PPM1E: variants seen among roughly 807,000 people sequenced by gnomAD.
The protein encoded by PPM1E is protein phosphatase 1E.
Under a neutral mutation model 65.9 loss-of-function variants are expected in PPM1E, and 20 were observed. The observed-to-expected ratio is 0.30, with a 90% CI of 0.21 to 0.44. PPM1E has a LOEUF of 0.44. Ranked by LOEUF, PPM1E falls within the 20% of genes least tolerant of loss-of-function variation. The probability of loss-of-function intolerance (pLI) is 1.00; values close to 1 mark genes in which losing one functional copy is unlikely to be tolerated. For missense variants in PPM1E, 713 were observed against 953.1 expected (o/e 0.75, Z 3.32); for synonymous variants, 352 against 374.9 (o/e 0.94, Z 0.70).
At chr17:58,873,692 C>T (rs1014840349) in intron 1 of PPM1E, among the ~76,000 whole-genome samples, 1 of 151,116 alleles carries the variant, frequency 6.6e-6, no homozygotes, top group Non-Finnish European at 1.5e-5. Flanking sequence ...CTCCCAGGCT[C>T]AAGTGATCCT....
intron 1 of PPM1E, among the ~76,000 whole-genome samples, chr17:58,941,992 C>T (rs186232524): frequency 6.3e-5 from 9 of 141,756 alleles, no homozygotes; most frequent in Admixed American, 5.7e-4. Context: ...GGGACAAGAC[C>T]GAGACTTCGT....
At chr17:58,760,973 C>G (rs992410744) in intron 1 of PPM1E, among the ~76,000 whole-genome samples, 1 of 152,160 alleles carries the variant, frequency 6.6e-6, no homozygotes, top group African/African-American at 2.4e-5. Context: ...GGGAATATAC[C>G]TTCCATACCC....
At position 58,771,347 on chromosome 17, in the gene PPM1E, A is replaced by C. The variant is rs994670460; in HGVS notation, c.464+14886A>C. On this transcript the variant is annotated intron_variant, in intron 1 of 6. Transcript: ENST00000308249. ...GTTAAAAGTAGATTCTAAAAAAAAAAATGATTAAGGCCGGGCATGGTGGCT... is the reference window on the plus strand; with the variant it reads ...GTTAAAAGTAGATTCTAAAAAAAAACATGATTAAGGCCGGGCATGGTGGCT... 7.2e-5 allele frequency among the ~76,000 whole-genome samples: 11 copies of C among 152,000 alleles called. No homozygotes were observed. The East Asian group carries it at 2.1e-3, about 29-fold the overall frequency.
chr17:58,834,083 G>C (rs2050630901), intron 1 of PPM1E, among the ~76,000 whole-genome samples: 1 of 152,140 alleles, frequency 6.6e-6, no homozygotes, highest in Admixed American at 6.5e-5. Flanking sequence ...ATTTGGAAGT[G>C]TTTTGTGGTT....
At chr17:58,831,425 G>A (rs1045874237) in intron 1 of PPM1E, among the ~76,000 whole-genome samples, 2 of 152,148 alleles carry the variant, frequency 1.3e-5, no homozygotes, top group Non-Finnish European at 2.9e-5. Flanking sequence ...TTAGTAAGGT[G>A]ATTTACTTCA....
At chr17:58,879,026 T>C (rs1490186447) in intron 1 of PPM1E, among the ~76,000 whole-genome samples, 2 of 152,096 alleles carry the variant, frequency 1.3e-5, no homozygotes, top group East Asian at 3.8e-4. Flanking sequence ...TTCAGGACTT[T>C]TGCTAGAGAT....
Position 58,980,821 on chromosome 17 carries a change from G to C in PPM1E, c.2058G>C (p.Lys686Asn). The C allele has an allele frequency of 6.2e-7, 1 of 1,614,172 alleles. No individual in the cohort carries two copies. The highest frequency in any genetic ancestry group is 8.5e-7 in the Non-Finnish European group (1 of 1,180,020). Residue 686 changes from lysine to asparagine, a missense_variant, in exon 7 of 7, where the codon AAG becomes AAC. Lys to Asn is a moderately conservative substitution (Grantham distance 94). This residue lies in a region of PPM1E where 286 missense variants were observed against 313.8 expected (regional missense o/e 0.91). Transcript: ENST00000308249. The surrounding 1 kb of genome is among the most constrained non-coding windows in gnomAD (Gnocchi z 4.7). ...GGCACAGATTCAGGTTTAATCCAAA[G>C]TTTTATTCATTTCTCTCTGCTCAAG... is the stretch of plus-strand genomic sequence containing the variant. ...KKWHRFRFNPKFYSFLSAQEP... is the reference protein window; with the variant it reads ...KKWHRFRFNPNFYSFLSAQEP...
intron 1 of PPM1E, among the ~76,000 whole-genome samples, chr17:58,822,815 A>C (rs779658357): frequency 2.0e-5 from 3 of 152,218 alleles, no homozygotes; most frequent in Non-Finnish European, 4.4e-5. Context: ...AAGTTATGCT[A>C]TCAGTCAGGT....
chr17:58,931,030 A>G (rs1330460898), intron 1 of PPM1E, among the ~76,000 whole-genome samples: 1 of 149,636 alleles, frequency 6.7e-6, no homozygotes, highest in East Asian at 2.0e-4. Context: ...CCTGGCCAAC[A>G]TAGTGAAACC....
chr17:58,866,138 T>A (rs1392163905), intron 1 of PPM1E, among the ~76,000 whole-genome samples: 3 of 152,190 alleles, frequency 2.0e-5, no homozygotes, highest in Non-Finnish European at 2.9e-5. Context: ...TGGAGACCAA[T>A]CTAGTTAGAT....
At chr17:58,793,954 G>A (rs935695847) in intron 1 of PPM1E, among the ~76,000 whole-genome samples, 2 of 151,334 alleles carry the variant, frequency 1.3e-5, no homozygotes, top group Non-Finnish European at 2.9e-5. Context: ...AACGATTTTC[G>A]CATCTCAGCC....
intron 1 of PPM1E, among the ~76,000 whole-genome samples, chr17:58,767,902 A>T (rs1221519274): frequency 1.3e-5 from 2 of 152,050 alleles, no homozygotes; most frequent in African/African-American, 2.4e-5. Flanking sequence ...TCGGCCTCCC[A>T]AAGTGCTGGG....
Position 58,758,011 on chromosome 17 carries a change from A to G in PPM1E, c.464+1550A>G, listed in dbSNP as rs186177016. 5.3e-5 allele frequency among the ~76,000 whole-genome samples: 8 copies of G among 152,346 alleles called. No homozygotes were observed. The East Asian group carries it at 1.2e-3, about 22-fold the overall frequency. On this transcript the variant is annotated intron_variant, in intron 1 of 6. Coordinates refer to ENST00000308249, the MANE Select transcript of PPM1E (RefSeq NM_014906.5). ...AAAGATAAAGCTCCCTGCTTAAAAT[A>G]AAATGGAAATGTTTATTAAGGGAAT...
intron 1 of PPM1E, among the ~76,000 whole-genome samples, chr17:58,873,857 A>T (rs944921803): frequency 2.0e-5 from 3 of 148,618 alleles, no homozygotes; most frequent in African/African-American, 5.0e-5. Flanking sequence ...TTAGCCCCCC[A>T]AAGGGCTAAG....
intron 1 of PPM1E, among the ~76,000 whole-genome samples, chr17:58,835,342 C>T (rs1287720298): frequency 6.6e-6 from 1 of 152,070 alleles, no homozygotes; most frequent in African/African-American, 2.4e-5. Flanking sequence ...AAGACCCTGT[C>T]TCAAATAAAG....
At chr17:58,887,760 C>T (rs909044258) in intron 1 of PPM1E, among the ~76,000 whole-genome samples, 9 of 152,088 alleles carry the variant, frequency 5.9e-5, no homozygotes, top group Non-Finnish European at 8.8e-5. Context: ...GAAGGCTGAG[C>T]AGAGGAAGGA....
chr17:58,965,624 T>C (rs2030198073), intron 2 of PPM1E, 70 bp from the exon 3 acceptor site: 1 of 1,488,712 alleles, frequency 6.7e-7, no homozygotes, highest in Non-Finnish European at 9.3e-7. Context: ...ACTTCTGTCT[T>C]TACCAAGCAG....
Position 58,982,792 on chromosome 17 carries a change from C to G in PPM1E, c.*1761C>G. On this transcript the variant is annotated 3_prime_UTR_variant, in exon 7 of 7. Transcript: ENST00000308249. ...TGAAAAGGAGTCAACATGGCCCCAACTATAGTGCCGGAACCTTTTCATCAT... is the reference window on the plus strand; with the variant it reads ...TGAAAAGGAGTCAACATGGCCCCAAGTATAGTGCCGGAACCTTTTCATCAT... 1.1e-6 allele frequency: 1 copy of G among 889,558 alleles called. No homozygotes were observed. Among genetic ancestry groups the G allele is most frequent in the Non-Finnish European group, 1.7e-6 (1 of 580,230 alleles). The allele number at this position is 889,558 out of a possible 1,614,324, so 55.1% of individuals were successfully genotyped here. A position where few individuals can be genotyped will look rare whatever the true frequency, so the allele number is the denominator to read the frequency against.
At chr17:58,784,261 G>A (rs1186412778) in intron 1 of PPM1E, among the ~76,000 whole-genome samples, 1 of 151,942 alleles carries the variant, frequency 6.6e-6, no homozygotes, top group Non-Finnish European at 1.5e-5. Flanking sequence ...GACCTCAAGT[G>A]TTCTGCCTAC....
Sources: gnomAD v4.1 joint callset for allele counts (sites outside exome capture counted in the v4.1 genomes callset) on GRCh38, gnomAD v4.1.1 for gene constraint, gnomAD v4.1.1 regional missense constraint, Gnocchi (gnomAD v3.1) non-coding constraint, MANE v1.5 for transcripts, NCBI Gene and HGNC (gene_info 2026-07-23, HGNC 2026-07-21) for gene names.